Variants in GRID2 observed in about 807,000 individuals in gnomAD.
GRID2 encodes glutamate ionotropic receptor delta type subunit 2.
GRID2 carries 33 observed loss-of-function variants against 114.8 expected under a neutral mutation model. That is an observed-to-expected ratio of 0.29 (90% CI 0.22 to 0.38). The LOEUF is 0.38. Among genes scored for constraint, GRID2 ranks in the 10% least tolerant of loss-of-function variants. The pLI is 1.00. For synonymous variants in GRID2, 505 were observed against 449.9 expected, an observed-to-expected ratio of 1.12 and a Z score of -1.55; for missense variants, 1,184 against 1,257.7, an observed-to-expected ratio of 0.94 and a Z score of 0.89.
chr4:93,138,945 C>G (rs1225299146), intron 4 of GRID2, among the ~76,000 whole-genome samples: 1 of 152,210 alleles, frequency 6.6e-6, no homozygotes, highest in Non-Finnish European at 1.5e-5. Flanking sequence ...CAAGTCCTTT[C>G]TACTTTCATC....
At chr4:93,052,282 T>C (rs1726791142) in intron 2 of GRID2, among the ~76,000 whole-genome samples, 1 of 151,956 alleles carries the variant, frequency 6.6e-6, no homozygotes, top group South Asian at 2.1e-4. Context: ...ATCTGCTTCA[T>C]GGAGAGGGCA....
At chr4:92,462,636 T>C (rs1303168054) in intron 1 of GRID2, among the ~76,000 whole-genome samples, 3 of 151,994 alleles carry the variant, frequency 2.0e-5, no homozygotes, top group Non-Finnish European at 4.4e-5. Flanking sequence ...CTATAGTTTG[T>C]AATTTAATGG....
chr4:93,049,073 A>G (rs1385361904), intron 2 of GRID2, among the ~76,000 whole-genome samples: 1 of 152,104 alleles, frequency 6.6e-6, no homozygotes, highest in Non-Finnish European at 1.5e-5. Flanking sequence ...TAAACAGAAT[A>G]ACATCTCTAA....
chr4:93,671,671 T>G, intron 14 of GRID2, among the ~76,000 whole-genome samples: 1 of 152,150 alleles, frequency 6.6e-6, no homozygotes, highest in African/African-American at 2.4e-5. Flanking sequence ...ATATTATCAC[T>G]TATTAAAATG....
downstream of GRID2, among the ~76,000 whole-genome samples, chr4:93,777,469 C>G (rs535809857): frequency 5.3e-5 from 8 of 152,252 alleles, no homozygotes; most frequent in South Asian, 1.0e-3. Context: ...AGAATTTCTT[C>G]AGAATGAAGA....
intron 4 of GRID2, among the ~76,000 whole-genome samples, chr4:93,169,931 T>TC (rs1245205237): frequency 3.9e-5 from 6 of 152,216 alleles, no homozygotes; most frequent in Non-Finnish European, 8.8e-5. Flanking sequence ...ATGCAAAATT[T>TC]CATCATATTC....
chr4:93,652,402 A>G (rs1173894548), intron 14 of GRID2, among the ~76,000 whole-genome samples: 3 of 152,190 alleles, frequency 2.0e-5, no homozygotes, highest in Non-Finnish European at 4.4e-5. Flanking sequence ...TGCATAAAAA[A>G]CAATGGTTCC....
chr4:92,679,388 C>T (rs1003484792), intron 2 of GRID2, among the ~76,000 whole-genome samples: 12 of 151,922 alleles, frequency 7.9e-5, no homozygotes, highest in Admixed American at 2.0e-4. Context: ...TCTTAGTCAC[C>T]ATTTCTTCCT....
At chr4:92,661,776 C>T (rs1233010362) in intron 2 of GRID2, among the ~76,000 whole-genome samples, 2 of 150,796 alleles carry the variant, frequency 1.3e-5, no homozygotes, top group Non-Finnish European at 3.0e-5. Context: ...TGGGAAATTA[C>T]ACAATAAATT....
intron 12 of GRID2, among the ~76,000 whole-genome samples, chr4:93,499,833 A>G (rs559454456): frequency 2.0e-5 from 3 of 152,032 alleles, no homozygotes; most frequent in Admixed American, 2.0e-4. Context: ...AGTCTTCGTA[A>G]TAGCCCCATG....
chr4:92,567,875 G>C (rs764876429), intron 1 of GRID2, among the ~76,000 whole-genome samples: 1 of 151,966 alleles, frequency 6.6e-6, no homozygotes, highest in Non-Finnish European at 1.5e-5. Flanking sequence ...GTAATTCAGA[G>C]TTAACACAGC....
intron 14 of GRID2, among the ~76,000 whole-genome samples, chr4:93,707,530 C>T (rs1728113081): frequency 1.3e-5 from 2 of 151,574 alleles, no homozygotes; most frequent in Admixed American, 1.3e-4. Context: ...TGAATTTCTA[C>T]AATATCAGTT....
chr4:92,537,897 C>G (rs914767446), intron 1 of GRID2, among the ~76,000 whole-genome samples: 16 of 150,162 alleles, frequency 1.1e-4, no homozygotes, highest in Admixed American at 6.7e-5. Flanking sequence ...ATTTCATATC[C>G]TATTTTGACA....
At chr4:92,902,412 T>G (rs976603281) in intron 2 of GRID2, among the ~76,000 whole-genome samples, 6 of 152,054 alleles carry the variant, frequency 3.9e-5, no homozygotes, top group African/African-American at 1.4e-4. Context: ...GTTGATTCTT[T>G]GTAATTTTTT....
At chr4:92,347,801 AT>A (rs1727847733) in intron 1 of GRID2, among the ~76,000 whole-genome samples, 2 of 152,258 alleles carry the variant, frequency 1.3e-5, no homozygotes, top group East Asian at 1.9e-4. Flanking sequence ...CTTTGAGATG[AT>A]TTATGAAAAG....
At chr4:92,328,207 T>C (rs1726694819) in intron 1 of GRID2, among the ~76,000 whole-genome samples, 1 of 151,994 alleles carries the variant, frequency 6.6e-6, no homozygotes, top group Non-Finnish European at 1.5e-5. Context: ...TGGAACAGGA[T>C]AAGGACTGCA....
downstream of GRID2, among the ~76,000 whole-genome samples, chr4:93,777,162 T>G (rs1164877589): frequency 6.6e-6 from 1 of 152,174 alleles, no homozygotes; most frequent in East Asian, 1.9e-4. Context: ...AGAAACCTCA[T>G]GGTTTTGCTT....
chr4:92,304,490 C>T lies in GRID2; in HGVS notation c.-167C>T. ...CAGGCTGGGCTCTTTCTGTCATTCCCTTCTGCCTTTCTCGGCGACGATAAA... is the reference window on the plus strand; with the variant it reads ...CAGGCTGGGCTCTTTCTGTCATTCCTTTCTGCCTTTCTCGGCGACGATAAA... On this transcript the variant is annotated 5_prime_UTR_variant, in exon 1 of 16. Transcript: ENST00000282020. 1.6e-6 allele frequency: 1 copy of T among 629,188 alleles called. No individual in the cohort carries two copies. Among genetic ancestry groups the T allele is most frequent in the African/African-American group, 1.8e-5 (1 of 54,268 alleles). 39.0% of individuals were successfully genotyped at this position (629,188 alleles called of 1,614,324 possible).
At chr4:92,850,854 G>T (rs1281680874) in intron 2 of GRID2, among the ~76,000 whole-genome samples, 1 of 151,804 alleles carries the variant, frequency 6.6e-6, no homozygotes, top group Non-Finnish European at 1.5e-5. Flanking sequence ...ATAAATTTCT[G>T]GATATCCAGA....
Sources: allele counts gnomAD v4.1 joint callset (sites outside exome capture counted in the v4.1 genomes callset), GRCh38; gene constraint gnomAD v4.1.1; transcripts MANE v1.5; gene names NCBI Gene and HGNC (gene_info 2026-07-23, HGNC 2026-07-21).